The following DMD variants were observed in gnomAD, a reference collection of about 807,000 sequenced individuals.
DMD encodes the protein mutant dystrophin.
A neutral mutation model predicts 330.1 loss-of-function variants in DMD; 63 were observed. That is an observed-to-expected ratio of 0.19 (90% CI 0.16 to 0.24). DMD has a LOEUF of 0.24. DMD is among the 10% of genes least tolerant of loss of function. The pLI is 1.00. For missense variants in DMD, 3,344 were observed against 2,684.1 expected, an observed-to-expected ratio of 1.25 and a Z score of -5.43; for synonymous variants, 1,223 against 959.8, an observed-to-expected ratio of 1.27 and a Z score of -5.07.
intron 16 of DMD, among the ~76,000 whole-genome samples, chrX:32,553,875 G>C (rs1283850519): frequency 2.7e-5 from 3 of 111,614 alleles, no homozygotes; most frequent in Non-Finnish European, 5.6e-5. Flanking sequence ...CATGAGATTT[G>C]TTTGTTTGAA....
intron 43 of DMD, among the ~76,000 whole-genome samples, chrX:32,236,357 G>A (rs2097187697): frequency 8.9e-6 from 1 of 112,165 alleles, no homozygotes; most frequent in Non-Finnish European, 1.9e-5. Context: ...TAAATTGGTT[G>A]TACCAACTTA....
At chrX:32,371,337 T>A (rs2097876761) in intron 34 of DMD, among the ~76,000 whole-genome samples, 1 of 111,042 alleles carries the variant, frequency 9.0e-6, no homozygotes, top group African/African-American at 3.3e-5. Flanking sequence ...TGTGTGCGTG[T>A]GTGTTTGTGT....
At chrX:32,807,681 ATTG>A (rs2077059877) in intron 7 of DMD, among the ~76,000 whole-genome samples, 1 of 110,903 alleles carries the variant, frequency 9.0e-6, no homozygotes, top group Non-Finnish European at 1.9e-5. Flanking sequence ...ACTTTTTAAA[ATTG>A]TTTTTATTCA....
intron 7 of DMD, among the ~76,000 whole-genome samples, chrX:32,719,521 C>T (rs2066052177): frequency 1.8e-5 from 2 of 111,182 alleles, no homozygotes; most frequent in South Asian, 7.5e-4. Context: ...AAAGAGAAAC[C>T]TTAGTATTGC....
Position 32,803,156 on chromosome X carries a change from T to A in DMD, c.649+6337A>T, listed in dbSNP as rs558505142. ...GCCTCAATTTCAGAACTTGTTATTG[T>A]TCTATTCAGGGATTTGACTTCTTCC... On this transcript the variant is annotated intron_variant, in intron 7 of 78. Coordinates refer to ENST00000357033, the MANE Select transcript of DMD (RefSeq NM_004006.3). Among the ~76,000 whole-genome samples the A allele has an allele frequency of 3.4e-4, 38 of 111,673 alleles. No individual in the cohort carries two copies. In the South Asian group the frequency reaches 9.2e-3, roughly 27 times the overall value.
At chrX:31,488,218 T>C (rs921591969) in intron 57 of DMD, among the ~76,000 whole-genome samples, 10 of 112,212 alleles carry the variant, frequency 8.9e-5, no homozygotes, top group African/African-American at 2.9e-4. Flanking sequence ...TGAGCTGACC[T>C]TGAGAGATCA....
At chrX:32,235,342 C>G (rs1193178852) in intron 43 of DMD, among the ~76,000 whole-genome samples, 1 of 110,347 alleles carries the variant, frequency 9.1e-6, no homozygotes, top group Non-Finnish European at 1.9e-5. Flanking sequence ...GCTGATCTGA[C>G]AGGAGGTGGA....
At chrX:33,330,906 C>T (rs967273979) in intron 1 of DMD, among the ~76,000 whole-genome samples, 1 of 111,955 alleles carries the variant, frequency 8.9e-6, no homozygotes, top group Non-Finnish European at 1.9e-5. Context: ...AAACCTCTAG[C>T]TCAGTCCTAA....
chrX:32,454,057 G>A (rs757490309), intron 26 of DMD, among the ~76,000 whole-genome samples: 1 of 110,151 alleles, frequency 9.1e-6, no homozygotes, highest in African/African-American at 3.3e-5. Flanking sequence ...GTTGCCCAAG[G>A]CCATACGAAA....
intron 63 of DMD, among the ~76,000 whole-genome samples, chrX:31,255,938 G>A (rs752775133): frequency 4.6e-5 from 5 of 109,264 alleles, no homozygotes; most frequent in Non-Finnish European, 7.6e-5. Context: ...ACCACACCTG[G>A]CTAATTTTTT....
chrX:31,939,517 C>T (rs968626655), intron 45 of DMD, among the ~76,000 whole-genome samples: 3 of 111,790 alleles, frequency 2.7e-5, no homozygotes, highest in Non-Finnish European at 3.8e-5. Flanking sequence ...CAGCTGAGTA[C>T]GTGAACACGG....
At chrX:33,227,949 G>T (rs2052320276) in intron 1 of DMD, among the ~76,000 whole-genome samples, 1 of 110,876 alleles carries the variant, frequency 9.0e-6, no homozygotes, top group Non-Finnish European at 1.9e-5. Flanking sequence ...TTCACAAATG[G>T]ATTGAATTTA....
intron 7 of DMD, among the ~76,000 whole-genome samples, chrX:32,807,383 G>T (rs2077042501): frequency 9.0e-6 from 1 of 111,301 alleles, no homozygotes; most frequent in Non-Finnish European, 1.9e-5. Context: ...AATTGGAAGA[G>T]TCTATATATA....
At chrX:32,225,733 C>T (rs1314981527) in intron 43 of DMD, among the ~76,000 whole-genome samples, 1 of 107,087 alleles carries the variant, frequency 9.3e-6, no homozygotes, top group African/African-American at 3.4e-5. Context: ...CCACCACCAA[C>T]TCTCTCTCTC....
At chrX:33,126,547 C>T (rs2095466221) in intron 1 of DMD, among the ~76,000 whole-genome samples, 1 of 111,889 alleles carries the variant, frequency 8.9e-6, no homozygotes, top group African/African-American at 3.2e-5. Flanking sequence ...CTGTTCTAAT[C>T]TATCGTCTTC....
chrX:31,898,149 C>T (rs2094371551), intron 47 of DMD, among the ~76,000 whole-genome samples: 1 of 110,425 alleles, frequency 9.1e-6, no homozygotes, highest in African/African-American at 3.3e-5. Context: ...ACATTCCATG[C>T]TCATGGGTAG....
intron 9 of DMD, among the ~76,000 whole-genome samples, chrX:32,690,892 A>G (rs1351588155): frequency 8.9e-6 from 1 of 111,752 alleles, no homozygotes; most frequent in Non-Finnish European, 1.9e-5. Flanking sequence ...AAACTCCTAG[A>G]AGAAAACATT....
intron 1 of DMD, among the ~76,000 whole-genome samples, chrX:33,150,702 T>C (rs1283039947): frequency 1.8e-5 from 2 of 109,109 alleles, no homozygotes; most frequent in East Asian, 5.7e-4. Context: ...GTTGGCTTCT[T>C]GTCTCGTTCT....
At chrX:32,687,374 C>A (rs933023739) in intron 9 of DMD, among the ~76,000 whole-genome samples, 1 of 111,670 alleles carries the variant, frequency 9.0e-6, no homozygotes, top group Non-Finnish European at 1.9e-5. Context: ...TGTTATTCTT[C>A]GGATGTAACA....
Sources: allele counts gnomAD v4.1 joint callset (sites outside exome capture counted in the v4.1 genomes callset), GRCh38; gene constraint gnomAD v4.1.1; transcripts MANE v1.5; gene names NCBI Gene and HGNC (gene_info 2026-07-23, HGNC 2026-07-21).